The following ANO10 variants were observed in gnomAD, a reference collection of about 807,000 sequenced individuals.
The protein encoded by ANO10 is anoctamin-10.
A neutral mutation model predicts 74.7 loss-of-function variants in ANO10; 77 were observed. The ratio of observed to expected loss-of-function variants is 1.03; its 90% CI spans 0.86 to 1.25. The LOEUF (loss-of-function observed/expected upper bound fraction) is 1.25, where lower values mean the gene tolerates loss of function less well. Ranked by LOEUF, ANO10 falls within the 50% of genes most tolerant of loss-of-function variation. ANO10 has a pLI of 0.00. For synonymous variants in ANO10, 279 were observed against 284.9 expected (o/e 0.98, Z 0.21); for missense variants, 721 against 778.1 (o/e 0.93, Z 0.87).
intron 12 of ANO10, among the ~76,000 whole-genome samples, chr3:43,371,797 C>T (rs971270340): frequency 6.6e-6 from 1 of 152,232 alleles, no homozygotes; most frequent in African/African-American, 2.4e-5. Context: ...AAGCAACAGC[C>T]TGACAATTCA....
At chr3:43,553,206 T>C (rs573554086) in intron 10 of ANO10, among the ~76,000 whole-genome samples, 3 of 152,280 alleles carry the variant, frequency 2.0e-5, no homozygotes, top group Non-Finnish European at 2.9e-5. Flanking sequence ...TTTCCCCCTA[T>C]AGGTAAGATG....
intron 12 of ANO10, among the ~76,000 whole-genome samples, chr3:43,374,338 G>T (rs1229500611): frequency 6.6e-6 from 1 of 152,158 alleles, no homozygotes; most frequent in African/African-American, 2.4e-5. Context: ...TGCACGCCAG[G>T]CACTGTTCTA....
At chr3:43,610,477 T>C (rs1453188518) in intron 1 of ANO10, among the ~76,000 whole-genome samples, 1 of 152,236 alleles carries the variant, frequency 6.6e-6, no homozygotes, top group South Asian at 2.1e-4. Flanking sequence ...TACATAATTA[T>C]ATGTGCTACT....
chr3:43,683,977 C>A (rs1485001103), intron 1 of ANO10, among the ~76,000 whole-genome samples: 1 of 152,138 alleles, frequency 6.6e-6, no homozygotes, highest in East Asian at 1.9e-4. Context: ...CATAAAAACC[C>A]TAGAAGAAAA....
intron 11 of ANO10, among the ~76,000 whole-genome samples, chr3:43,514,765 C>G (rs1249471611): frequency 6.6e-6 from 1 of 152,146 alleles, no homozygotes; most frequent in Non-Finnish European, 1.5e-5. Context: ...GTACTCAAAT[C>G]AGACAAAATG....
At chr3:43,433,012 T>C (rs1174910551) in intron 11 of ANO10, among the ~76,000 whole-genome samples, 1 of 130,730 alleles carries the variant, frequency 7.6e-6, no homozygotes, top group African/African-American at 2.9e-5. Flanking sequence ...GCTAGAGGAG[T>C]GCAGTGGCAC....
intron 11 of ANO10, among the ~76,000 whole-genome samples, chr3:43,513,607 T>C (rs1157611633): frequency 6.6e-6 from 1 of 152,086 alleles, no homozygotes; most frequent in Non-Finnish European, 1.5e-5. Flanking sequence ...CCTCCAAGGG[T>C]TCACGCCATT....
chr3:43,606,703 G>A (rs1201403994), intron 1 of ANO10, among the ~76,000 whole-genome samples: 2 of 151,800 alleles, frequency 1.3e-5, no homozygotes, highest in African/African-American at 4.8e-5. Context: ...TAGTCAAGGT[G>A]TAATTATATG....
intron 11 of ANO10, among the ~76,000 whole-genome samples, chr3:43,465,818 A>T (rs919465775): frequency 9.2e-5 from 14 of 152,218 alleles, no homozygotes; most frequent in Non-Finnish European, 1.8e-4. Flanking sequence ...AATCTATAAA[A>T]TATTGTTGTG....
upstream of ANO10, among the ~76,000 whole-genome samples, chr3:43,624,103 T>C (rs149024435): frequency 6.6e-6 from 1 of 152,218 alleles, no homozygotes; most frequent in Admixed American, 6.5e-5. Flanking sequence ...ATTAAAACTT[T>C]CTGTTAAGTA....
chr3:43,566,016 C>T (rs2080311688), intron 7 of ANO10, among the ~76,000 whole-genome samples: 1 of 152,146 alleles, frequency 6.6e-6, no homozygotes, highest in Non-Finnish European at 1.5e-5. Context: ...GGCATTGCCT[C>T]CCTTGGGAAG....
intron 11 of ANO10, among the ~76,000 whole-genome samples, chr3:43,508,688 G>T (rs779777301): frequency 2.0e-5 from 3 of 151,644 alleles, no homozygotes; most frequent in African/African-American, 4.8e-5. Flanking sequence ...GCAAACTATC[G>T]CAAGGACAAA....
At chr3:43,524,231 T>G (rs1253921642) in intron 11 of ANO10, among the ~76,000 whole-genome samples, 1 of 4,772 alleles carries the variant, frequency 2.1e-4, no homozygotes, top group Non-Finnish European at 2.2e-3. Context: ...AACGAATCCC[T>G]CATAGAAGGA....
intron 11 of ANO10, among the ~76,000 whole-genome samples, chr3:43,541,516 A>G (rs1387797625): frequency 3.3e-5 from 5 of 152,188 alleles, no homozygotes. Context: ...TTAATATTTT[A>G]CTTAAGGGTT....
chr3:43,586,601 G>T (rs1294782048), intron 4 of ANO10, among the ~76,000 whole-genome samples: 1 of 151,890 alleles, frequency 6.6e-6, no homozygotes, highest in African/African-American at 2.4e-5. Flanking sequence ...CAAAAATACT[G>T]CCTGGAAAAA....
At position 43,365,907 on chromosome 3, in the gene ANO10, T is replaced by C. The variant is rs1575572998; in HGVS notation, c.*999A>G. 6.6e-6 allele frequency: 1 copy of C among 152,458 alleles called. No homozygotes were observed. Among genetic ancestry groups the C allele is most frequent in the East Asian group, 1.9e-4 (1 of 5,208 alleles). 9.4% of individuals were successfully genotyped at this position (152,458 alleles called of 1,614,324 possible). A position where few individuals can be genotyped will look rare whatever the true frequency, so the allele number is the denominator to read the frequency against. On this transcript the variant is annotated 3_prime_UTR_variant, in exon 13 of 13. Transcript: ENST00000292246. ...GCCCACGGGTCTGTAGTGTCTTGGCTACAGCAGGACGGCCAGCGCTGGTGG... is the reference window on the plus strand; with the variant it reads ...GCCCACGGGTCTGTAGTGTCTTGGCCACAGCAGGACGGCCAGCGCTGGTGG...
chr3:43,485,087 C>T (rs914417819), intron 11 of ANO10: 7 of 1,142,644 alleles, frequency 6.1e-6, no homozygotes, highest in Admixed American at 1.8e-5. Flanking sequence ...GACAGCCGGC[C>T]GGCGGCACTT....
chr3:43,512,720 T>C (rs1198720555), intron 11 of ANO10, among the ~76,000 whole-genome samples: 2 of 152,130 alleles, frequency 1.3e-5, no homozygotes, highest in African/African-American at 4.8e-5. Context: ...TCTTCTTACA[T>C]CCTTATTAGA....
At chr3:43,605,920 A>G in intron 1 of ANO10, 57 bp from the exon 2 acceptor site, 1 of 1,574,050 alleles carries the variant, frequency 6.4e-7, no homozygotes, top group East Asian at 2.2e-5. Context: ...AAAGAGAAAT[A>G]TGCTATAGAC....
Sources: gnomAD v4.1 joint callset for allele counts (sites outside exome capture counted in the v4.1 genomes callset) on GRCh38, gnomAD v4.1.1 for gene constraint, MANE v1.5 for transcripts, NCBI Gene and HGNC (gene_info 2026-07-23, HGNC 2026-07-21) for gene names.